Variants in ZSCAN20 observed in about 807,000 individuals in gnomAD.
ZSCAN20 encodes zinc finger and SCAN domain-containing protein 20.
Under a neutral mutation model 97.1 loss-of-function variants are expected in ZSCAN20, and 39 were observed. The ratio of observed to expected loss-of-function variants is 0.40; its 90% confidence interval spans 0.31 to 0.52. ZSCAN20 has a LOEUF of 0.52. ZSCAN20 is among the 20% of genes least tolerant of loss of function. The pLI is 0.49. For synonymous variants in ZSCAN20, 456 were observed against 467.3 expected (o/e 0.98, Z 0.31); for missense variants, 1,115 against 1,290.4 (o/e 0.86, Z 2.08).
chr1:33,476,294 G>C (rs367544707), intron 1 of ZSCAN20, among the ~76,000 whole-genome samples: 2 of 152,076 alleles, frequency 1.3e-5, no homozygotes, highest in Non-Finnish European at 2.9e-5. Context: ...TCCATACTTC[G>C]GTCTAACTTC....
chr1:33,477,922 C>T (rs985027310), intron 1 of ZSCAN20, among the ~76,000 whole-genome samples: 10 of 151,494 alleles, frequency 6.6e-5, no homozygotes, highest in South Asian at 6.3e-4. Flanking sequence ...GAAGGCCTTA[C>T]GGAAAAAGAG....
At position 33,479,168 on chromosome 1, in the gene ZSCAN20, T is replaced by G; in HGVS notation, c.-110-11T>G. ...TTTGCTCACACTCTATCCTTTGTCT[T>G]TCTGCCTTAGAGCCTTGGGGAGCAG... On this transcript the variant is annotated splice_polypyrimidine_tract_variant and intron_variant, in intron 1 of 7. Transcript: ENST00000684572. 1.8e-6 allele frequency: 2 copies of G among 1,087,120 alleles called. No homozygotes were observed. The highest frequency in any genetic ancestry group is 1.3e-6 in the Non-Finnish European group (1 of 752,934). 67.3% of individuals were successfully genotyped at this position (1,087,120 alleles called of 1,614,324 possible). A position where few individuals can be genotyped will look rare whatever the true frequency, so the allele number is the denominator to read the frequency against.
intron 1 of ZSCAN20, among the ~76,000 whole-genome samples, chr1:33,476,131 C>G (rs1199503378): frequency 6.6e-6 from 1 of 152,178 alleles, no homozygotes; most frequent in African/African-American, 2.4e-5. Flanking sequence ...AAGGGGTACT[C>G]TTAGAAATTG....
At position 33,494,792 on chromosome 1, in the gene ZSCAN20, C is replaced by G; in HGVS notation, c.2448C>G (p.His816Gln). 1.2e-6 allele frequency: 2 copies of G among 1,614,142 alleles called. No homozygotes were observed. Among genetic ancestry groups the G allele is most frequent in the Non-Finnish European group, 1.7e-6 (2 of 1,180,024 alleles). Reference protein sequence around the residue: ...SSNLLKHQRIHLGGNPDQCSE... With the variant: ...SSNLLKHQRIQLGGNPDQCSE... ...ACCTTCTGAAACATCAGAGAATCCACTTGGGAGGAAATCCTGACCAGTGTA... is the reference window on the plus strand; with the variant it reads ...ACCTTCTGAAACATCAGAGAATCCAGTTGGGAGGAAATCCTGACCAGTGTA... The change falls in exon 8 of 8, where the codon CAC (histidine) becomes CAG (glutamine). Residue 816 changes from histidine (H) to glutamine (Q), a missense_variant. By Grantham distance (24) the His-to-Gln change is conservative (BLOSUM62 0). Around this residue, in one of 3 missense-constraint regions of ZSCAN20, gnomAD observed 554 missense variants for 584.9 expected, o/e 0.95. Coordinates refer to ENST00000684572, the MANE Select transcript of ZSCAN20 (RefSeq NM_001377376.1).
At position 33,489,248 on chromosome 1, in the gene ZSCAN20, C is replaced by A. The variant is rs78186929; in HGVS notation, c.681+57C>A. The A allele has an allele frequency of 3.5e-4, 540 of 1,537,810 alleles. No homozygotes were observed. The African/African-American group carries it at 6.3e-3, about 18-fold the overall frequency. ...ATTGCTGCTCCTGTGCTCTTGCCCC[C>A]ACAGTGTTCCTCCTCTCTCTCCATG... On this transcript the variant is annotated intron_variant, in intron 4 of 7. Transcript: ENST00000684572.
At position 33,479,218 on chromosome 1, in the gene ZSCAN20, G is replaced by A; in HGVS notation, c.-71G>A. ...GTCCCTTTTCTAGGAGCCTCTTGAA[G>A]GACTCACCGTAGATGCAGGAAGACA... is the stretch of plus-strand genomic sequence containing the variant. On this transcript the variant is annotated 5_prime_UTR_variant, in exon 2 of 8. Coordinates refer to ENST00000684572, the MANE Select transcript of ZSCAN20 (RefSeq NM_001377376.1). The A allele has an allele frequency of 6.7e-7, 1 of 1,486,584 alleles. No individual in the cohort carries two copies. The highest frequency in any genetic ancestry group is 9.1e-7 in the Non-Finnish European group (1 of 1,104,194). The allele number at this position is 1,486,584 out of a possible 1,614,324, so 92.1% of individuals were successfully genotyped here. A position where few individuals can be genotyped will look rare whatever the true frequency, so the allele number is the denominator to read the frequency against.
intron 1 of ZSCAN20, among the ~76,000 whole-genome samples, chr1:33,473,742 C>A (rs187584786): frequency 6.6e-6 from 1 of 152,300 alleles, no homozygotes; most frequent in Admixed American, 6.5e-5. Flanking sequence ...CCCTCAGCTC[C>A]CATAACTTCT....
chr1:33,479,086 C>T (rs1303589806), intron 1 of ZSCAN20, 93 bp from the exon 2 acceptor site: 1 of 552,000 alleles, frequency 1.8e-6, no homozygotes, highest in Non-Finnish European at 3.1e-6. Flanking sequence ...ACCTCTGCCC[C>T]CATGCAAAGG....
Position 33,494,887 on chromosome 1 carries a change from C to T in ZSCAN20, c.2543C>T (p.Thr848Ile), listed in dbSNP as rs1192160128. The T allele has an allele frequency of 6.2e-7, 1 of 1,614,194 alleles. No individual in the cohort carries two copies. Among genetic ancestry groups the T allele is most frequent in the Non-Finnish European group, 8.5e-7 (1 of 1,180,036 alleles). The change falls in exon 8 of 8, where the codon ACA (threonine) becomes ATA (isoleucine). Residue 848 changes from threonine to isoleucine, a missense_variant. By Grantham distance (89) the Thr-to-Ile change is moderately conservative. Around this residue, in one of 3 missense-constraint regions of ZSCAN20, gnomAD observed 554 missense variants for 584.9 expected, o/e 0.95. Transcript: ENST00000684572. ...CACTGGAGGAATTCTACAGAAGAGA[C>T]AGCTCCTGAACAACCTCAAAGTATC... ...SAHWRNSTEE[T>I]APEQPQSISK...
At chr1:33,488,966 C>G (rs1394628597) in intron 3 of ZSCAN20, 149 bp from the exon 4 acceptor site, 1 of 694,726 alleles carries the variant, frequency 1.4e-6, no homozygotes, top group East Asian at 2.8e-5. Flanking sequence ...GAGCTACACA[C>G]TCTAGAAGGG....
At position 33,501,184 on chromosome 1, in the gene ZSCAN20, GAA is replaced by G. The variant is rs920742744; in HGVS notation, c.*5709_*5710del. Among the ~76,000 whole-genome samples, 2 of 152,162 alleles carry G rather than the reference GAA, an allele frequency of 1.3e-5. No homozygotes were observed. Among genetic ancestry groups the G allele is most frequent in the Admixed American group, 6.5e-5 (1 of 15,278 alleles). On this transcript the variant is annotated 3_prime_UTR_variant, in exon 8 of 8. Transcript: ENST00000684572. ...AGGTCGCCAACCCAACCCTGTTCCT[GAA>G]GTTTCCCAGAAATAGATGGAGAGGT...
chr1:33,481,789 A>G (rs1329658254), intron 2 of ZSCAN20, among the ~76,000 whole-genome samples: 1 of 152,124 alleles, frequency 6.6e-6, no homozygotes, highest in Non-Finnish European at 1.5e-5. Flanking sequence ...TGTGATTGTT[A>G]CTTGTTTCTT....
chr1:33,482,806 C>A (rs548418213), intron 2 of ZSCAN20, among the ~76,000 whole-genome samples: 1 of 152,118 alleles, frequency 6.6e-6, no homozygotes, highest in African/African-American at 2.4e-5. Flanking sequence ...TGCAATTCAC[C>A]AATAACCTAC....
In ZSCAN20 at chr1:33,495,384, C is replaced by A. The variant is rs1210348293; in HGVS notation, c.3040C>A (p.Pro1014Thr). The A allele has an allele frequency of 1.1e-5, 18 of 1,611,110 alleles. No homozygotes were observed. The highest frequency in any genetic ancestry group is 1.5e-5 in the Non-Finnish European group (18 of 1,178,428). Residue 1014 changes from proline (P) to threonine (T), a missense_variant, in exon 8 of 8, where the codon CCC becomes ACC. By Grantham distance (38) the Pro-to-Thr change is conservative (BLOSUM62 -1). Coordinates refer to ENST00000684572, the MANE Select transcript of ZSCAN20 (RefSeq NM_001377376.1). ...IHQRIHTGEKPYKCTECGKDF... is the reference protein window; with the variant it reads ...IHQRIHTGEKTYKCTECGKDF... ...CCAGAGAATCCACACAGGGGAGAAA[C>A]CCTACAAGTGCACAGAGTGTGGCAA...
At position 33,501,238 on chromosome 1, in the gene ZSCAN20, A is replaced by G. The variant is rs542819554; in HGVS notation, c.*5762A>G. On this transcript the variant is annotated 3_prime_UTR_variant, in exon 8 of 8. Coordinates refer to ENST00000684572, the MANE Select transcript of ZSCAN20 (RefSeq NM_001377376.1). Reference sequence around the variant, plus strand: ...AGGCCAGCTAGGCTGGAGCGCCAGCATCAGTAGTAGGGGCAGGAGCTCACG... The same window carrying G: ...AGGCCAGCTAGGCTGGAGCGCCAGCGTCAGTAGTAGGGGCAGGAGCTCACG... 2.0e-5 allele frequency among the ~76,000 whole-genome samples: 3 copies of G among 152,350 alleles called. No homozygotes were observed. The East Asian group carries it at 5.8e-4, about 29-fold the overall frequency.
intron 2 of ZSCAN20, among the ~76,000 whole-genome samples, chr1:33,480,860 G>T (rs936451544): frequency 6.6e-6 from 1 of 152,218 alleles, no homozygotes; most frequent in East Asian, 1.9e-4. Context: ...ATGTAGAACA[G>T]ATCCTTTAGC....
In ZSCAN20 at chr1:33,497,231, C is replaced by T. The variant is rs1652903893; in HGVS notation, c.*1755C>T. ...GCTTCAGAACCTCCTTTCCCAAGAA[C>T]CAGCCCCACTAGGATCACCGTCAAC... On this transcript the variant is annotated 3_prime_UTR_variant, in exon 8 of 8. Transcript: ENST00000684572. Among the ~76,000 whole-genome samples, 1 of 152,302 alleles carries T rather than the reference C, an allele frequency of 6.6e-6. No individual in the cohort carries two copies. The highest frequency in any genetic ancestry group is 1.9e-4 in the East Asian group (1 of 5,188).
At chr1:33,482,790 C>T (rs1236841203) in intron 2 of ZSCAN20, among the ~76,000 whole-genome samples, 1 of 152,098 alleles carries the variant, frequency 6.6e-6, no homozygotes, top group East Asian at 1.9e-4. Flanking sequence ...TATTGTTGTT[C>T]GAATTTGCAA....
At position 33,494,547 on chromosome 1, in the gene ZSCAN20, G is replaced by A. The variant is rs373272712; in HGVS notation, c.2203G>A (p.Glu735Lys). Reference sequence around the variant, plus strand: ...TGCCCATCAGCGAATCCACACAGGTGAGAAGCCCTACAAATGCCTTGAATG... The same window carrying A: ...TGCCCATCAGCGAATCCACACAGGTAAGAAGCCCTACAAATGCCTTGAATG... The part of the protein sequence containing the change: ...FIAHQRIHTG[E>K]KPYKCLECGK... The change falls in exon 8 of 8, where the codon GAG becomes AAG. Residue 735 changes from glutamate to lysine, a missense_variant. Physicochemically the swap from Glu to Lys is moderately conservative, Grantham distance 56. Around this residue, in one of 3 missense-constraint regions of ZSCAN20, gnomAD observed 554 missense variants for 584.9 expected, o/e 0.95. Coordinates refer to ENST00000684572, the MANE Select transcript of ZSCAN20 (RefSeq NM_001377376.1). 9.3e-6 allele frequency: 15 copies of A among 1,614,072 alleles called. No homozygotes were observed. The highest frequency in any genetic ancestry group is 1.3e-5 in the Non-Finnish European group (15 of 1,179,896).
Sources: gnomAD v4.1 joint callset for allele counts (sites outside exome capture counted in the v4.1 genomes callset) on GRCh38, gnomAD v4.1.1 for gene constraint, gnomAD v4.1.1 regional missense constraint, MANE v1.5 for transcripts, NCBI Gene and HGNC (gene_info 2026-07-23, HGNC 2026-07-21) for gene names.